Variants in CCDC40 observed in about 807,000 individuals in gnomAD.
The protein encoded by CCDC40 is coiled-coil domain 40 molecular ruler complex subunit.
Under a neutral mutation model 124.5 loss-of-function variants are expected in CCDC40, and 104 were observed. That is an observed-to-expected ratio of 0.84 (90% CI 0.71 to 0.98). The LOEUF (loss-of-function observed/expected upper bound fraction) is 0.98. Ranked by LOEUF, CCDC40 falls within the 50% of genes least tolerant of loss-of-function variation. The pLI is 0.00. For synonymous variants in CCDC40, 580 were observed against 602.9 expected (o/e 0.96, Z 0.56); for missense variants, 1,463 against 1,503.9 (o/e 0.97, Z 0.45).
intron 12 of CCDC40, among the ~76,000 whole-genome samples, chr17:80,084,140 G>C (rs962176719): frequency 2.6e-5 from 4 of 152,194 alleles, no homozygotes; most frequent in Non-Finnish European, 4.4e-5. Context: ...TTTAAGAAGT[G>C]TGTTAGTCTG....
At chr17:80,089,540 CA>C in intron 16 of CCDC40, 1 of 438,836 alleles carries the variant, frequency 2.3e-6, no homozygotes, top group South Asian at 2.1e-5. Flanking sequence ...GTTTCTTCCC[CA>C]CCCCCATCTC....
intron 3 of CCDC40, among the ~76,000 whole-genome samples, chr17:80,042,922 T>G (rs1418357902): frequency 6.6e-6 from 1 of 152,168 alleles, no homozygotes; most frequent in Non-Finnish European, 1.5e-5. Flanking sequence ...TCTGTGTCTG[T>G]TAAGAAGACT....
At chr17:80,098,947 C>T (rs2038859692) in intron 19 of CCDC40, 1 of 149,538 alleles carries the variant, frequency 6.7e-6, no homozygotes, top group Non-Finnish European at 1.4e-5. Flanking sequence ...TGCCATTGCA[C>T]TCCAGCCTAG....
At chr17:80,057,143 T>G (rs558536112) in intron 7 of CCDC40, among the ~76,000 whole-genome samples, 1 of 152,106 alleles carries the variant, frequency 6.6e-6, no homozygotes, top group Non-Finnish European at 1.5e-5. Flanking sequence ...TTGCTTTTTT[T>G]TTGAGACAGA....
At chr17:80,053,886 GCATTTGA>G (rs1270525065) in intron 7 of CCDC40, among the ~76,000 whole-genome samples, 1 of 152,204 alleles carries the variant, frequency 6.6e-6, no homozygotes, top group African/African-American at 2.4e-5. Context: ...AGGATGGTTA[GCATTTGA>G]CCTACATGTC....
chr17:80,085,462 A>G (rs944636866), intron 13 of CCDC40, among the ~76,000 whole-genome samples: 2 of 151,754 alleles, frequency 1.3e-5, no homozygotes, highest in Non-Finnish European at 2.9e-5. Context: ...GGCCCCACCC[A>G]CCCTGCCAGC....
chr17:80,070,689 T>C (rs1430740165), intron 10 of CCDC40, among the ~76,000 whole-genome samples: 1 of 152,124 alleles, frequency 6.6e-6, no homozygotes, highest in Non-Finnish European at 1.5e-5. Flanking sequence ...GGAGGATTGC[T>C]TGAGCCCAGG....
chr17:80,097,545 C>T (rs2038833120), intron 19 of CCDC40, 142 bp downstream of exon 19: 1 of 742,716 alleles, frequency 1.3e-6, no homozygotes. Flanking sequence ...GTAATAGCAC[C>T]ACCGGCTGCT....
At chr17:80,067,748 C>T (rs1280922981) in intron 10 of CCDC40, 44 of 1,503,714 alleles carry the variant, frequency 2.9e-5, no homozygotes, top group African/African-American at 6.9e-5. Context: ...CTGGGTCTAG[C>T]GGGTATTGCT....
chr17:80,037,692 T>A (rs201576560), intron 1 of CCDC40, among the ~76,000 whole-genome samples: 3,017 of 56,738 alleles, frequency 0.053, 84 homozygotes, highest in South Asian at 0.087. Context: ...TTAAAAAAGA[T>A]ATACATATAT....
At position 80,058,667 on chromosome 17, in the gene CCDC40, G is replaced by A. The variant is rs375999350; in HGVS notation, c.1317+16G>A. 57 of 1,613,778 alleles carry A rather than the reference G, an allele frequency of 3.5e-5. No individual in the cohort carries two copies. Among genetic ancestry groups the A allele is most frequent in the Admixed American group, 1.3e-4 (8 of 59,996 alleles). On this transcript the variant is annotated intron_variant, in intron 8 of 19. Transcript: ENST00000397545. The surrounding 1 kb of genome is among the most constrained non-coding windows in gnomAD (Gnocchi z 4.2). The stretch of plus-strand genomic sequence containing the variant: ...GAAAAAGCAGGTATTCTGCAAACTC[G>A]ACACATGTTTAATGATCACCAGACC...
intron 18 of CCDC40, among the ~76,000 whole-genome samples, chr17:80,096,082 T>C: frequency 6.6e-6 from 1 of 152,226 alleles, no homozygotes. Flanking sequence ...TGACCCGCTG[T>C]GTGACCTCGG....
intron 10 of CCDC40, chr17:80,067,614 G>A: frequency 6.5e-7 from 1 of 1,536,272 alleles, no homozygotes; most frequent in Non-Finnish European, 8.7e-7. Flanking sequence ...CCTGCCCGGG[G>A]CATCGAGGGC....
At position 80,087,573 on chromosome 17, in the gene CCDC40, G is replaced by C. The variant is rs2038613361; in HGVS notation, c.2450-34G>C. On this transcript the variant is annotated intron_variant, in intron 14 of 19. Coordinates refer to ENST00000397545, the MANE Select transcript of CCDC40 (RefSeq NM_017950.4). The surrounding 1 kb of genome is among the most constrained non-coding windows in gnomAD (Gnocchi z 4.5). ...GCGGGCGAGGACCCGTACCCTCCTG[G>C]GGTCTCTCCCTGAGTCTCTGTTTTC... 1 of 1,603,222 alleles carries C rather than the reference G, an allele frequency of 6.2e-7. No individual in the cohort carries two copies. The highest frequency in any genetic ancestry group is 1.1e-5 in the South Asian group (1 of 90,802).
At chr17:80,089,066 A>G (rs2038647177) in intron 16 of CCDC40, among the ~76,000 whole-genome samples, 1 of 152,264 alleles carries the variant, frequency 6.6e-6, no homozygotes, top group Non-Finnish European at 1.5e-5. Context: ...AAAATTGCAT[A>G]TAATTCCAAC....
In CCDC40 at chr17:80,039,940, A is replaced by G; in HGVS notation, c.222A>G (p.Glu74=). The G allele has an allele frequency of 6.2e-7, 1 of 1,613,322 alleles. No homozygotes were observed. Among genetic ancestry groups the G allele is most frequent in the Non-Finnish European group, 8.5e-7 (1 of 1,179,358 alleles). ...AGGGGGAGGTGGAGACAGAAGGGGA[A>G]GCAGCAGTGGAAGGGGAAGAGGAGG... ...IEEGEVETEG[E]AAVEGEEEAV... The change falls in exon 3 of 20, where the codon GAA becomes GAG. Residue 74 remains glutamate, a synonymous_variant. Coordinates refer to ENST00000397545, the MANE Select transcript of CCDC40 (RefSeq NM_017950.4).
chr17:80,079,549 C>G (rs1269015166), intron 10 of CCDC40, among the ~76,000 whole-genome samples: 5 of 152,098 alleles, frequency 3.3e-5, no homozygotes, highest in African/African-American at 9.7e-5. Flanking sequence ...CCTCATCGAT[C>G]CATAATGAGG....
At chr17:80,073,976 G>A (rs2038253773) in intron 10 of CCDC40, among the ~76,000 whole-genome samples, 1 of 152,216 alleles carries the variant, frequency 6.6e-6, no homozygotes, top group South Asian at 2.1e-4. Context: ...GTGAGCCAAC[G>A]CTCCTGGCCG....
rs778485151 is a variant in CCDC40 at position 80,040,305 on chromosome 17, C to T, written c.552+35C>T. ...CCTGACTTCTGTTTTGTGCCAGTGTCGCACGGCCCACGGGGTTTGTCACCC... is the reference window on the plus strand; with the variant it reads ...CCTGACTTCTGTTTTGTGCCAGTGTTGCACGGCCCACGGGGTTTGTCACCC... On this transcript the variant is annotated intron_variant, in intron 3 of 19. Transcript: ENST00000397545. 5.0e-6 allele frequency: 8 copies of T among 1,593,166 alleles called. No homozygotes were observed. The Middle Eastern group carries it at 6.1e-4, about 121-fold the overall frequency.
Sources: allele counts gnomAD v4.1 joint callset (sites outside exome capture counted in the v4.1 genomes callset), GRCh38; gene constraint gnomAD v4.1.1; non-coding constraint Gnocchi (gnomAD v3.1); transcripts MANE v1.5; gene names NCBI Gene and HGNC (gene_info 2026-07-23, HGNC 2026-07-21).